The following LRRC40 variants were observed in gnomAD, a reference collection of about 807,000 sequenced individuals.
LRRC40 encodes the protein leucine rich repeat containing 40.
A neutral mutation model predicts 72.8 loss-of-function variants in LRRC40; 76 were observed. The ratio of observed to expected loss-of-function variants is 1.04; its 90% CI spans 0.87 to 1.26. The LOEUF (loss-of-function observed/expected upper bound fraction) is 1.26, where lower values mean the gene tolerates loss of function less well. LRRC40 is among the 50% of genes most tolerant of loss of function. The pLI, the probability that LRRC40 is intolerant of heterozygous loss-of-function variation, is 0.00. For missense variants in LRRC40, 684 were observed against 698.9 expected, an observed-to-expected ratio of 0.98 and a Z score of 0.24; for synonymous variants, 243 against 254.2, an observed-to-expected ratio of 0.96 and a Z score of 0.42.
intron 9 of LRRC40, among the ~76,000 whole-genome samples, chr1:70,163,726 T>C (rs1278861583): frequency 6.6e-6 from 1 of 152,172 alleles, no homozygotes; most frequent in African/African-American, 2.4e-5. Flanking sequence ...CTATCAAAGG[T>C]AGCATAGCTA....
At chr1:70,193,312 C>T (rs981863554) in intron 1 of LRRC40, among the ~76,000 whole-genome samples, 15 of 151,510 alleles carry the variant, frequency 9.9e-5, no homozygotes, top group Non-Finnish European at 1.5e-4. Flanking sequence ...GTCATAGATC[C>T]CACAGATGTT....
intron 2 of LRRC40, 34 bp downstream of exon 2, chr1:70,189,058 A>G (rs779402611): frequency 1.9e-6 from 3 of 1,570,196 alleles, no homozygotes; most frequent in African/African-American, 2.7e-5. Flanking sequence ...AGTCTCTTCA[A>G]TTAATAATCC....
intron 1 of LRRC40, among the ~76,000 whole-genome samples, chr1:70,202,442 C>A (rs910525531): frequency 7.9e-5 from 12 of 151,994 alleles, no homozygotes; most frequent in Non-Finnish European, 1.3e-4. Context: ...AAACGTTATG[C>A]ACTGGTATGA....
chr1:70,162,862 T>C (rs1185164153), intron 9 of LRRC40, among the ~76,000 whole-genome samples: 1 of 152,184 alleles, frequency 6.6e-6, no homozygotes, highest in African/African-American at 2.4e-5. Context: ...AAAATATGAT[T>C]CCAATTCATT....
chr1:70,182,011 A>G (rs916881901), intron 4 of LRRC40, among the ~76,000 whole-genome samples: 1 of 152,036 alleles, frequency 6.6e-6, no homozygotes, highest in Non-Finnish European at 1.5e-5. Flanking sequence ...TTCATTTAAT[A>G]TAACATTAAA....
intron 11 of LRRC40, among the ~76,000 whole-genome samples, chr1:70,154,769 T>G (rs754200545): frequency 1.3e-5 from 2 of 151,670 alleles, no homozygotes; most frequent in Non-Finnish European, 2.9e-5. Flanking sequence ...TTTTTCCTCT[T>G]AAGTATTTAC....
At chr1:70,149,120 G>A (rs1167512947) in intron 13 of LRRC40, among the ~76,000 whole-genome samples, 1 of 152,158 alleles carries the variant, frequency 6.6e-6, no homozygotes, top group Non-Finnish European at 1.5e-5. Context: ...TTCTTAAAAA[G>A]ATAACAAATT....
rs1363626396 is a variant in LRRC40 at position 70,144,947 on chromosome 1, A to C, written c.*853T>G. 2 of 152,206 alleles carry C rather than the reference A, an allele frequency of 1.3e-5. No homozygotes were observed. The highest frequency in any genetic ancestry group is 2.1e-4 in the South Asian group (1 of 4,836). The allele number at this position is 152,206 out of a possible 1,614,324, so 9.4% of individuals were successfully genotyped here. A position where few individuals can be genotyped will look rare whatever the true frequency, so the allele number is the denominator to read the frequency against. On this transcript the variant is annotated 3_prime_UTR_variant, in exon 15 of 15. Transcript: ENST00000370952. ...AATTGATATACATGCTACTGAATTG[A>C]CTTCTTAATAGAATCATATGGTAAG...
intron 9 of LRRC40, among the ~76,000 whole-genome samples, chr1:70,169,852 A>G (rs1667963995): frequency 6.6e-6 from 1 of 152,214 alleles, no homozygotes; most frequent in African/African-American, 2.4e-5. Context: ...CAAACATTCA[A>G]AAAATTAATA....
At chr1:70,200,374 G>A (rs958108672) in intron 1 of LRRC40, among the ~76,000 whole-genome samples, 4 of 152,154 alleles carry the variant, frequency 2.6e-5, no homozygotes, top group East Asian at 3.9e-4. Flanking sequence ...GCTGAGGCAG[G>A]AGATCACTGG....
intron 4 of LRRC40, 127 bp from the exon 5 acceptor site, chr1:70,181,336 T>C: frequency 2.0e-6 from 1 of 495,258 alleles, no homozygotes. Context: ...ATGTGATAAG[T>C]TGTGTAACTC....
chr1:70,169,394 G>A (rs1400653919), intron 9 of LRRC40, among the ~76,000 whole-genome samples: 1 of 152,036 alleles, frequency 6.6e-6, no homozygotes, highest in Non-Finnish European at 1.5e-5. Flanking sequence ...GCTGGCCCCA[G>A]TCAGTCACAA....
chr1:70,145,098 C>T lies in LRRC40; in HGVS notation c.*702G>A, dbSNP rs1409673822. 6.6e-6 allele frequency: 1 copy of T among 151,984 alleles called. No individual in the cohort carries two copies. The highest frequency in any genetic ancestry group is 1.5e-5 in the Non-Finnish European group (1 of 67,980). The allele number at this position is 151,984 out of a possible 1,614,324, so 9.4% of individuals were successfully genotyped here. On this transcript the variant is annotated 3_prime_UTR_variant, in exon 15 of 15. Coordinates refer to ENST00000370952, the MANE Select transcript of LRRC40 (RefSeq NM_017768.5). ...GAAAAACACTGCAAGTTTAGTCTTA[C>T]CAAGATTGCAAGTAAATTTTAAAAT...
rs755342320 is a variant in LRRC40 at position 70,187,301 on chromosome 1, A to G, written c.371T>C (p.Ile124Thr). 6.3e-7 allele frequency: 1 copy of G among 1,589,174 alleles called. No individual in the cohort carries two copies. The highest frequency in any genetic ancestry group is 1.1e-5 in the South Asian group (1 of 89,126). ...DNQLTSLPSA[I>T]RELENLQKLN... ...TTTCTGAAGATTTTCTAGCTCTCTT[A>G]TAGCAGAAGGAAGGGATGTCAACTG... is the stretch of plus-strand genomic sequence containing the variant. Residue 124 changes from isoleucine to threonine, a missense_variant, in exon 3 of 15, where the codon ATA (isoleucine) becomes ACA (threonine). Ile to Thr is a moderately conservative substitution (Grantham distance 89, BLOSUM62 -1). Coordinates refer to ENST00000370952, the MANE Select transcript of LRRC40 (RefSeq NM_017768.5).
chr1:70,161,320 G>A (rs916764623), intron 9 of LRRC40, among the ~76,000 whole-genome samples: 1 of 151,990 alleles, frequency 6.6e-6, no homozygotes, highest in African/African-American at 2.4e-5. Context: ...TCCTGATCTC[G>A]TGATCCGCCT....
chr1:70,198,744 TAAG>T (rs1211413200), intron 1 of LRRC40, among the ~76,000 whole-genome samples: 7 of 152,296 alleles, frequency 4.6e-5, no homozygotes, highest in African/African-American at 1.7e-4. Context: ...ATAGTAGTCA[TAAG>T]ATGGACTATT....
chr1:70,194,694 T>C (rs1402414183), intron 1 of LRRC40, among the ~76,000 whole-genome samples: 1 of 150,124 alleles, frequency 6.7e-6, no homozygotes, highest in East Asian at 2.0e-4. Flanking sequence ...CCAGAAAGCT[T>C]TTCTGTAGAA....
intron 2 of LRRC40, 104 bp from the exon 3 acceptor site, chr1:70,187,442 C>T (rs1460907251): frequency 6.6e-6 from 4 of 601,888 alleles, no homozygotes; most frequent in South Asian, 2.2e-5. Flanking sequence ...TCCTGTTCCT[C>T]AAATTCAATG....
chr1:70,194,855 T>C (rs1668575301), intron 1 of LRRC40, among the ~76,000 whole-genome samples: 1 of 152,114 alleles, frequency 6.6e-6, no homozygotes, highest in Non-Finnish European at 1.5e-5. Flanking sequence ...AGTGTAGTAT[T>C]AGCATAAGGA....
Sources: gnomAD v4.1 joint callset for allele counts (sites outside exome capture counted in the v4.1 genomes callset) on GRCh38, gnomAD v4.1.1 for gene constraint, MANE v1.5 for transcripts, NCBI Gene and HGNC (gene_info 2026-07-23, HGNC 2026-07-21) for gene names.